Variants in ARAP3 observed in about 807,000 individuals in gnomAD.
ARAP3 encodes the protein ArfGAP with RhoGAP domain, ankyrin repeat and PH domain 3, also known as arf-GAP with Rho-GAP domain, ANK repeat and PH domain-containing protein 3.
In ARAP3, 82 loss-of-function variants were observed where a neutral mutation model predicts 169.2. The ratio of observed to expected loss-of-function variants is 0.48; its 90% CI spans 0.41 to 0.58. The LOEUF (loss-of-function observed/expected upper bound fraction) is 0.58. Ranked by LOEUF, ARAP3 falls within the 20% of genes least tolerant of loss-of-function variation. The pLI is 0.00. For synonymous variants in ARAP3, 791 were observed against 800.3 expected (o/e 0.99, Z 0.20); for missense variants, 1,764 against 2,018.0 (o/e 0.87, Z 2.41).
Position 141,658,441 on chromosome 5 carries a change from C to T in ARAP3, c.3450G>A (p.Gln1150=). 1 of 1,614,192 alleles carries T rather than the reference C, an allele frequency of 6.2e-7. No homozygotes were observed. The highest frequency in any genetic ancestry group is 8.5e-7 in the Non-Finnish European group (1 of 1,180,040). Residue 1150 remains glutamine, a synonymous_variant, in exon 25 of 33, where the codon CAG becomes CAA. Coordinates refer to ENST00000239440, the MANE Select transcript of ARAP3 (RefSeq NM_022481.6). ...PTLTAEELTN[Q]VLEMRGTAAG... is the part of the protein sequence containing the mutation. The stretch of plus-strand genomic sequence containing the variant: ...CTGCTGTCCCCCGCATCTCCAGTAC[C>T]TGGTTAGTCAGCTCCTCAGCAGTCA...
In ARAP3 at chr5:141,665,296, G is replaced by A. The variant is rs560084543; in HGVS notation, c.2636+15C>T. On this transcript the variant is annotated intron_variant, in intron 18 of 32. Transcript: ENST00000239440. The stretch of plus-strand genomic sequence containing the variant: ...CAGGAAGGGGAGCCCCAGGTCAAGG[G>A]CAGGGGCAATTTACCTTCCTGTCTC... The A allele has an allele frequency of 6.2e-7, 1 of 1,613,986 alleles. No individual in the cohort carries two copies. Among genetic ancestry groups the A allele is most frequent in the Admixed American group, 1.7e-5 (1 of 60,010 alleles).
chr5:141,660,423 G>A (rs1434072615), intron 21 of ARAP3, among the ~76,000 whole-genome samples: 1 of 151,344 alleles, frequency 6.6e-6, no homozygotes, highest in Non-Finnish European at 1.5e-5. Flanking sequence ...GAACCCTGGA[G>A]GCGGAGCTTG....
intron 4 of ARAP3, among the ~76,000 whole-genome samples, chr5:141,678,492 C>T (rs998675708): frequency 5.3e-5 from 8 of 152,120 alleles, no homozygotes; most frequent in Admixed American, 2.0e-4. Context: ...CTTAACGCTC[C>T]GCTAACTGTA....
intron 27 of ARAP3, 80 bp downstream of exon 27, chr5:141,656,424 G>A (rs1412250212): frequency 1.3e-6 from 2 of 1,581,110 alleles, no homozygotes; most frequent in East Asian, 2.3e-5. Flanking sequence ...AGTATGGGCT[G>A]TGGAGTCAGA....
rs11167756 is a variant in ARAP3, at chr5:141,680,301, T to A, written c.186A>T (p.Leu62=). The A allele has an allele frequency of 6.2e-7, 1 of 1,614,036 alleles. No homozygotes were observed. Among genetic ancestry groups the A allele is most frequent in the Middle Eastern group, 1.6e-4 (1 of 6,062 alleles). The change falls in exon 2 of 33, where the codon CTA becomes CTT. Residue 62 remains leucine (L), a synonymous_variant. Transcript: ENST00000239440. ...TGHRKRILRL[L]QTGTEEGSLD... ...GGGAGCCCTCTTCGGTGCCTGTCTG[T>A]AGCAGGCGTAGAATGCGTTTCCGGT...
At chr5:141,654,516 C>T (rs2099908936) in intron 32 of ARAP3, 81 bp from the exon 33 acceptor site, 2 of 1,496,080 alleles carry the variant, frequency 1.3e-6, no homozygotes, top group Admixed American at 2.2e-5. Context: ...CTGAGCTCTT[C>T]CTCTGGGCCA....
chr5:141,673,304 C>T (rs568406402), intron 6 of ARAP3, 97 bp downstream of exon 6: 8 of 1,567,392 alleles, frequency 5.1e-6, no homozygotes, highest in Middle Eastern at 3.4e-4. Flanking sequence ...CACTGCCCCG[C>T]CCACACACAC....
Position 141,671,189 on chromosome 5 carries a change from C to A in ARAP3, c.1990+76G>T, listed in dbSNP as rs2099911392. On this transcript the variant is annotated intron_variant, in intron 13 of 32. Coordinates refer to ENST00000239440, the MANE Select transcript of ARAP3 (RefSeq NM_022481.6). This position sits in a 1 kb window ranked among gnomAD's most constrained non-coding sequence, Gnocchi z 4.9. The stretch of plus-strand genomic sequence containing the variant: ...GGCCATTGTGATCAGCTAATTGGGG[C>A]CCCTTGGAAGAACTGAATCATAGGT... The A allele has an allele frequency of 1.3e-6, 2 of 1,526,284 alleles. No individual in the cohort carries two copies. Among genetic ancestry groups the A allele is most frequent in the East Asian group, 4.5e-5 (2 of 44,042 alleles). 94.5% of individuals were successfully genotyped at this position (1,526,284 alleles called of 1,614,324 possible). A position where few individuals can be genotyped will look rare whatever the true frequency, so the allele number is the denominator to read the frequency against.
In ARAP3 at chr5:141,671,781, T is replaced by A. The variant is rs752166826; in HGVS notation, c.1672-29A>T. The A allele has an allele frequency of 1.9e-6, 3 of 1,597,788 alleles. No individual in the cohort carries two copies. Among genetic ancestry groups the A allele is most frequent in the Non-Finnish European group, 2.6e-6 (3 of 1,170,428 alleles). On this transcript the variant is annotated intron_variant, in intron 11 of 32. Coordinates refer to ENST00000239440, the MANE Select transcript of ARAP3 (RefSeq NM_022481.6). The surrounding 1 kb of genome is among the most constrained non-coding windows in gnomAD (Gnocchi z 4.9). Reference sequence around the variant, plus strand: ...TGGGATGACAAGGGACAAAGGCAGGTGACAGGAACTCAAGAGTCCTCAGAT... The same window carrying A: ...TGGGATGACAAGGGACAAAGGCAGGAGACAGGAACTCAAGAGTCCTCAGAT...
chr5:141,670,787 T>C (rs983806720), intron 13 of ARAP3, among the ~76,000 whole-genome samples, 159 bp from the exon 14 acceptor site: 5 of 152,162 alleles, frequency 3.3e-5, no homozygotes, highest in South Asian at 4.1e-4. Context: ...ACTACCCAGA[T>C]TGCAGAAGAG....
chr5:141,680,682 G>C, intron 1 of ARAP3, 179 bp from the exon 2 acceptor site: 1 of 988,368 alleles, frequency 1.0e-6, no homozygotes, highest in Middle Eastern at 3.3e-4. Context: ...CTCTACTTAG[G>C]GAAGGGACTT....
chr5:141,662,154 G>C lies in ARAP3; in HGVS notation c.2902C>G (p.Pro968Ala). 6.2e-7 allele frequency: 1 copy of C among 1,614,180 alleles called. No homozygotes were observed. Among genetic ancestry groups the C allele is most frequent in the South Asian group, 1.1e-5 (1 of 91,086 alleles). ...RRDARSVKLR[P>A]GEHFVEDVTD... is the part of the protein sequence containing the mutation. ...ACATCCTCCACAAAGTGCTCCCCTGGTCGGAGCTTCACCGACCGGGCATCC... is the reference window on the plus strand; with the variant it reads ...ACATCCTCCACAAAGTGCTCCCCTGCTCGGAGCTTCACCGACCGGGCATCC... Residue 968 changes from proline to alanine, a missense_variant, in exon 20 of 33, where the codon CCA becomes GCA. By Grantham distance (27) the Pro-to-Ala change is conservative. This residue lies in a region of ARAP3 where 1,112 missense variants were observed against 1,285.7 expected (regional missense o/e 0.86). Coordinates refer to ENST00000239440, the MANE Select transcript of ARAP3 (RefSeq NM_022481.6).
rs1302243979 is a variant in ARAP3 at position 141,653,908 on chromosome 5, G to C, written c.*42C>G. 6.6e-7 allele frequency: 1 copy of C among 1,508,608 alleles called. No individual in the cohort carries two copies. Among genetic ancestry groups the C allele is most frequent in the Non-Finnish European group, 8.8e-7 (1 of 1,130,244 alleles). The allele number at this position is 1,508,608 out of a possible 1,614,324, so 93.5% of individuals were successfully genotyped here. A position where few individuals can be genotyped will look rare whatever the true frequency, so the allele number is the denominator to read the frequency against. ...CAACAGTGCCACGATAAGAGTTTCT[G>C]GGTCTTCTGGTACCTACCCTCTCAG... On this transcript the variant is annotated 3_prime_UTR_variant, in exon 33 of 33. Transcript: ENST00000239440.
rs2099909210 is a variant in ARAP3, at chr5:141,655,879, A to T, written c.3962T>A (p.Leu1321His). 6.2e-7 allele frequency: 1 copy of T among 1,613,920 alleles called. No individual in the cohort carries two copies. Among genetic ancestry groups the T allele is most frequent in the Non-Finnish European group, 8.5e-7 (1 of 1,179,926 alleles). ...DEMWDWTTSILKAQHDDQQPV... is the reference protein window; with the variant it reads ...DEMWDWTTSIHKAQHDDQQPV... ...TTTCTTTCCCCTCACCTGGGCTTTA[A>T]GGATGCTGGTGGTCCAATCCCACAT... Residue 1321 changes from leucine (L) to histidine (H), a missense_variant, in exon 30 of 33, where the codon CTT becomes CAT. Coordinates refer to ENST00000239440, the MANE Select transcript of ARAP3 (RefSeq NM_022481.6).
rs887278295 is a variant in ARAP3, at chr5:141,659,988, T to C, written c.3120-62A>G. On this transcript the variant is annotated intron_variant, in intron 21 of 32. Transcript: ENST00000239440. ...ACTCATTCAGCAAACACTTATTGAG[T>C]CCCTATTGTATGCCTGGGCTAAGTG... The C allele has an allele frequency of 2.7e-6, 4 of 1,503,874 alleles. No individual in the cohort carries two copies. The East Asian group carries it at 7.5e-5, about 28-fold the overall frequency. The allele number at this position is 1,503,874 out of a possible 1,614,324, so 93.2% of individuals were successfully genotyped here.
At chr5:141,665,442 T>C in intron 17 of ARAP3, 68 bp from the exon 18 acceptor site, 12 of 1,528,248 alleles carry the variant, frequency 7.9e-6, no homozygotes, top group Non-Finnish European at 1.1e-5. Flanking sequence ...ATTTATTAAA[T>C]GCTTAACGTG....
intron 1 of ARAP3, 37 bp downstream of exon 1, chr5:141,682,136 T>C (rs151217820): frequency 0.031 from 4,715 of 152,058 alleles, 100 homozygotes; most frequent in Non-Finnish European, 0.049. Context: ...GGGAGGAGTC[T>C]GGGAAGCAGG....
chr5:141,671,172 T>A lies in ARAP3; in HGVS notation c.1990+93A>T. ...GGAAACTGCCCAGGCTGGGCCATTG[T>A]GATCAGCTAATTGGGGCCCCTTGGA... On this transcript the variant is annotated intron_variant, in intron 13 of 32. Coordinates refer to ENST00000239440, the MANE Select transcript of ARAP3 (RefSeq NM_022481.6). This position sits in a 1 kb window ranked among gnomAD's most constrained non-coding sequence, Gnocchi z 4.9. 1.3e-6 allele frequency: 2 copies of A among 1,493,400 alleles called. No individual in the cohort carries two copies. Among genetic ancestry groups the A allele is most frequent in the South Asian group, 2.6e-5 (2 of 76,792 alleles). 92.5% of individuals were successfully genotyped at this position (1,493,400 alleles called of 1,614,324 possible).
intron 17 of ARAP3, among the ~76,000 whole-genome samples, chr5:141,665,847 A>C (rs976025058): frequency 9.2e-5 from 14 of 152,118 alleles, no homozygotes; most frequent in African/African-American, 3.4e-4. Context: ...CCTGGCCAAC[A>C]TGGTGAAACC....
Sources: gnomAD v4.1 joint callset for allele counts (sites outside exome capture counted in the v4.1 genomes callset) on GRCh38, gnomAD v4.1.1 for gene constraint, gnomAD v4.1.1 regional missense constraint, Gnocchi (gnomAD v3.1) non-coding constraint, MANE v1.5 for transcripts, NCBI Gene and HGNC (gene_info 2026-07-23, HGNC 2026-07-21) for gene names.